PLEKHM3: variants seen among roughly 807,000 people sequenced by gnomAD.
PLEKHM3 encodes the protein pleckstrin homology domain containing M3, also known as pleckstrin homology domain-containing family M member 3.
In PLEKHM3, 45 loss-of-function variants were observed where a neutral mutation model predicts 81.8. That is an observed-to-expected ratio of 0.55 (90% CI 0.43 to 0.71). The LOEUF (loss-of-function observed/expected upper bound fraction) is 0.71, where lower values mean the gene tolerates loss of function less well. Among genes scored for constraint, PLEKHM3 ranks in the 30% least tolerant of loss-of-function variants. PLEKHM3 has a pLI of 0.00. For synonymous variants in PLEKHM3, 352 were observed against 356.4 expected (o/e 0.99, Z 0.14); for missense variants, 788 against 924.3 (o/e 0.85, Z 1.91).
Position 207,843,813 on chromosome 2 carries a change from G to A in PLEKHM3, c.2109-15317C>T, listed in dbSNP as rs2092367410. Among the ~76,000 whole-genome samples the A allele has an allele frequency of 6.6e-6, 1 of 152,188 alleles. No individual in the cohort carries two copies. Among genetic ancestry groups the A allele is most frequent in the African/African-American group, 2.4e-5 (1 of 41,444 alleles). On this transcript the variant is annotated intron_variant, in intron 7 of 7. Coordinates refer to ENST00000427836, the MANE Select transcript of PLEKHM3 (RefSeq NM_001080475.3). The surrounding 1 kb of genome is among the most constrained non-coding windows in gnomAD (Gnocchi z 4.4). ...GGAAAAAAACGTGGAATTTGGGGCG[G>A]GAGTGGTGGCTCATGCCTGTAATCC...
intron 6 of PLEKHM3, among the ~76,000 whole-genome samples, chr2:207,878,923 A>G (rs1331081450): frequency 1.3e-5 from 2 of 152,048 alleles, no homozygotes; most frequent in African/African-American, 4.8e-5. Flanking sequence ...AGCATGCCCT[A>G]TAAAGTCTTC....
intron 2 of PLEKHM3, among the ~76,000 whole-genome samples, chr2:207,985,841 A>G (rs1691698073): frequency 6.6e-6 from 1 of 152,050 alleles, no homozygotes; most frequent in African/African-American, 2.4e-5. Flanking sequence ...CAAAAAAATT[A>G]GCCGGGTGTG....
intron 2 of PLEKHM3, among the ~76,000 whole-genome samples, chr2:207,978,332 T>C (rs1220865641): frequency 6.8e-6 from 1 of 146,208 alleles, no homozygotes; most frequent in African/African-American, 2.5e-5. Flanking sequence ...GCAAAAGTAA[T>C]TGCGGTTTTT....
rs1181946087 is a variant in PLEKHM3, at chr2:207,824,323, A to G, written c.*3996T>C. ...ATACACATCTCTATTTACTAGGAGAAGTAAAAAAATAAAACAACCCCTGTG... is the reference window on the plus strand; with the variant it reads ...ATACACATCTCTATTTACTAGGAGAGGTAAAAAAATAAAACAACCCCTGTG... On this transcript the variant is annotated 3_prime_UTR_variant, in exon 8 of 8. Transcript: ENST00000427836. The G allele has an allele frequency of 6.6e-6, 1 of 152,264 alleles. No homozygotes were observed. Among genetic ancestry groups the G allele is most frequent in the Admixed American group, 6.5e-5 (1 of 15,292 alleles). The allele number at this position is 152,264 out of a possible 1,614,324, so 9.4% of individuals were successfully genotyped here. A position where few individuals can be genotyped will look rare whatever the true frequency, so the allele number is the denominator to read the frequency against.
intron 5 of PLEKHM3, among the ~76,000 whole-genome samples, chr2:207,914,940 G>T (rs1202195214): frequency 6.6e-6 from 1 of 152,142 alleles, no homozygotes; most frequent in Non-Finnish European, 1.5e-5. Flanking sequence ...GCCAATGCAA[G>T]CCCTGACACC....
intron 5 of PLEKHM3, 94 bp downstream of exon 5, chr2:207,930,832 C>G: frequency 7.2e-7 from 1 of 1,389,428 alleles, no homozygotes; most frequent in Non-Finnish European, 9.9e-7. Flanking sequence ...TAGAGGCGGT[C>G]CGTGCTGGAA....
chr2:207,966,653 A>G (rs1298098554), intron 3 of PLEKHM3, among the ~76,000 whole-genome samples: 2 of 152,118 alleles, frequency 1.3e-5, no homozygotes, highest in Non-Finnish European at 2.9e-5. Context: ...CCCGGGTTCA[A>G]GAGGTTCTCC....
chr2:207,951,569 T>C (rs191363740), intron 3 of PLEKHM3, among the ~76,000 whole-genome samples: 31 of 152,320 alleles, frequency 2.0e-4, no homozygotes, highest in Admixed American at 3.3e-4. Flanking sequence ...AAATCTTTAA[T>C]GAACACATGC....
intron 2 of PLEKHM3, among the ~76,000 whole-genome samples, chr2:207,992,004 T>C (rs1691915379): frequency 6.6e-6 from 1 of 152,232 alleles, no homozygotes; most frequent in South Asian, 2.1e-4. Context: ...GAAAGCATTC[T>C]GACTGACTGA....
chr2:207,955,461 A>C (rs1344036835), intron 3 of PLEKHM3, among the ~76,000 whole-genome samples: 1 of 152,230 alleles, frequency 6.6e-6, no homozygotes, highest in African/African-American at 2.4e-5. Flanking sequence ...TTATAAGCAA[A>C]CACCTTATGT....
At chr2:207,865,803 GATATATATATATATAT>G (rs71036961) in intron 6 of PLEKHM3, among the ~76,000 whole-genome samples, 1 of 29,410 alleles carries the variant, frequency 3.4e-5, no homozygotes, top group Non-Finnish European at 6.0e-5. Context: ...AAAAAAAAAA[GATATATATATATATAT>G]ATATATATAT....
At chr2:207,920,653 AT>A (rs58599860) in intron 5 of PLEKHM3, among the ~76,000 whole-genome samples, 5,054 of 138,826 alleles carry the variant, frequency 0.036, 229 homozygotes, top group African/African-American at 0.12. Context: ...CAGTTTGCCT[AT>A]TTTTTTTTTT....
At chr2:207,885,706 G>GT (rs779404001) in intron 6 of PLEKHM3, among the ~76,000 whole-genome samples, 3 of 152,128 alleles carry the variant, frequency 2.0e-5, no homozygotes, top group Admixed American at 6.5e-5. Flanking sequence ...TAAGTACTGT[G>GT]TAAGTATTCC....
chr2:208,015,525 T>C (rs1184607204), intron 1 of PLEKHM3, among the ~76,000 whole-genome samples: 1 of 152,208 alleles, frequency 6.6e-6, no homozygotes, highest in Non-Finnish European at 1.5e-5. Flanking sequence ...ATAAGTTCTC[T>C]ACGGGAATGG....
intron 5 of PLEKHM3, among the ~76,000 whole-genome samples, chr2:207,927,999 A>C (rs1689462022): frequency 6.6e-6 from 1 of 152,160 alleles, no homozygotes; most frequent in Admixed American, 6.5e-5. Flanking sequence ...TTTTAATAAA[A>C]AAGATTTAAA....
chr2:207,840,227 C>T (rs2092342404), intron 7 of PLEKHM3, among the ~76,000 whole-genome samples: 1 of 152,132 alleles, frequency 6.6e-6, no homozygotes, highest in African/African-American at 2.4e-5. Flanking sequence ...CTTGCTGTTG[C>T]CCAGGCTGGA....
chr2:207,878,658 G>C (rs929062279), intron 6 of PLEKHM3, among the ~76,000 whole-genome samples: 1 of 152,006 alleles, frequency 6.6e-6, no homozygotes, highest in African/African-American at 2.4e-5. Context: ...GGTTCCAAGA[G>C]GTCAATATTT....
At chr2:207,966,224 A>G (rs1690903403) in intron 3 of PLEKHM3, among the ~76,000 whole-genome samples, 1 of 152,270 alleles carries the variant, frequency 6.6e-6, no homozygotes, top group Admixed American at 6.5e-5. Context: ...GGCTGAATGA[A>G]TAAATCTCTA....
At chr2:207,964,409 C>A (rs1690844870) in intron 3 of PLEKHM3, among the ~76,000 whole-genome samples, 1 of 152,110 alleles carries the variant, frequency 6.6e-6, no homozygotes, top group African/African-American at 2.4e-5. Context: ...TTGAGAGATC[C>A]TGGGGTAGAC....
Sources: allele counts gnomAD v4.1 joint callset (sites outside exome capture counted in the v4.1 genomes callset), GRCh38; gene constraint gnomAD v4.1.1; non-coding constraint Gnocchi (gnomAD v3.1); transcripts MANE v1.5; gene names NCBI Gene and HGNC (gene_info 2026-07-23, HGNC 2026-07-21).